Variants in NBEAL2 observed in about 807,000 individuals in gnomAD.
NBEAL2 encodes the protein neurobeachin like 2, also known as neurobeachin-like protein 2.
NBEAL2 carries 160 observed loss-of-function variants against 299.8 expected under a neutral mutation model. The ratio of observed to expected loss-of-function variants is 0.53; its 90% confidence interval spans 0.47 to 0.61. The LOEUF (loss-of-function observed/expected upper bound fraction) is 0.61, where lower values mean the gene tolerates loss of function less well. NBEAL2 is among the 20% of genes least tolerant of loss of function. The pLI, the probability that NBEAL2 is intolerant of heterozygous loss-of-function variation, is 0.00. For missense variants in NBEAL2, 3,112 were observed against 3,649.0 expected, an observed-to-expected ratio of 0.85 and a Z score of 3.79; for synonymous variants, 1,493 against 1,542.3, an observed-to-expected ratio of 0.97 and a Z score of 0.75.
At chr3:46,992,697 C>G in intron 10 of NBEAL2, 142 bp downstream of exon 10, 1 of 780,332 alleles carries the variant, frequency 1.3e-6, no homozygotes, top group Non-Finnish European at 2.1e-6. Context: ...CATGCTGTCT[C>G]GCCTGCCTTC....
Position 47,008,668 on chromosome 3 carries a change from C to G in NBEAL2, c.8027C>G (p.Thr2676Arg), listed in dbSNP as rs1441765437. 1 of 1,613,030 alleles carries G rather than the reference C, an allele frequency of 6.2e-7. No homozygotes were observed. The highest frequency in any genetic ancestry group is 1.3e-5 in the African/African-American group (1 of 74,946). ...GCCCTGCACATCCTCCAACTAAACACGTAAGCCCCCCATTTATGGGTTCAT... is the reference window on the plus strand; with the variant it reads ...GCCCTGCACATCCTCCAACTAAACAGGTAAGCCCCCCATTTATGGGTTCAT... The part of the protein sequence containing the change: ...QCALHILQLN[T>R]LLPAAPPLPM... The change falls in exon 52 of 54, where the codon ACA (threonine) becomes AGA (arginine). Residue 2676 changes from threonine to arginine, a missense_variant and splice_region_variant. By Grantham distance (71) the Thr-to-Arg change is moderately conservative. Coordinates refer to ENST00000450053, the MANE Select transcript of NBEAL2 (RefSeq NM_015175.3).
Position 47,007,690 on chromosome 3 carries a change from C to T in NBEAL2, c.7500C>T (p.Cys2500=). 6.2e-7 allele frequency: 1 copy of T among 1,608,872 alleles called. No homozygotes were observed. Among genetic ancestry groups the T allele is most frequent in the Non-Finnish European group, 8.5e-7 (1 of 1,176,804 alleles). Residue 2500 remains cysteine (C), a synonymous_variant, in exon 48 of 54, where the codon TGC becomes TGT. Coordinates refer to ENST00000450053, the MANE Select transcript of NBEAL2 (RefSeq NM_015175.3). ...GCAAGCTGTTGAGCCAGCTCAGCTGCCACCTTGGTATGAACAGCCTTGGAG... is the reference window on the plus strand; with the variant it reads ...GCAAGCTGTTGAGCCAGCTCAGCTGTCACCTTGGTATGAACAGCCTTGGAG... The part of the protein sequence containing the change: ...PRGKLLSQLS[C]HLDVVTCLAL...
Position 46,982,712 on chromosome 3 carries a change from T to G in NBEAL2, c.51+2800T>G, listed in dbSNP as rs1430143669. 6.6e-6 allele frequency among the ~76,000 whole-genome samples: 1 copy of G among 152,118 alleles called. No homozygotes were observed. The highest frequency in any genetic ancestry group is 6.5e-5 in the Admixed American group (1 of 15,276). The stretch of plus-strand genomic sequence containing the variant: ...GTCAGGAAGTCACCCCAGAGGAGGC[T>G]GAGTTTGGGCTTTGAAGGCTGAGAG... On this transcript the variant is annotated intron_variant, in intron 1 of 53. Transcript: ENST00000450053. The surrounding 1 kb of genome is among the most constrained non-coding windows in gnomAD (Gnocchi z 4.2).
At chr3:46,992,254 G>C (rs2036153214) in intron 9 of NBEAL2, among the ~76,000 whole-genome samples, 1 of 152,176 alleles carries the variant, frequency 6.6e-6, no homozygotes, top group Non-Finnish European at 1.5e-5. Flanking sequence ...ACAGGGGCTA[G>C]AGGAGGGCAC....
At position 47,003,397 on chromosome 3, in the gene NBEAL2, G is replaced by A. The variant is rs527293095; in HGVS notation, c.5720+88G>A. 7.2e-6 allele frequency: 11 copies of A among 1,522,186 alleles called. No individual in the cohort carries two copies. In the East Asian group the frequency reaches 2.5e-4, roughly 35 times the overall value. The allele number at this position is 1,522,186 out of a possible 1,614,324, so 94.3% of individuals were successfully genotyped here. A position where few individuals can be genotyped will look rare whatever the true frequency, so the allele number is the denominator to read the frequency against. ...CATGCCTCTGTGGGATCAACTCCCT[G>A]AGTGTGTCCTCTTCTGCTGCCCGAC... On this transcript the variant is annotated intron_variant, in intron 35 of 53. Coordinates refer to ENST00000450053, the MANE Select transcript of NBEAL2 (RefSeq NM_015175.3). This position sits in a 1 kb window ranked among gnomAD's most constrained non-coding sequence, Gnocchi z 7.0.
rs2036958725 is a variant in NBEAL2, at chr3:47,001,218, G to A, written c.4484+39G>A. 1 of 1,601,700 alleles carries A rather than the reference G, an allele frequency of 6.2e-7. No individual in the cohort carries two copies. The highest frequency in any genetic ancestry group is 8.5e-7 in the Non-Finnish European group (1 of 1,171,354). On this transcript the variant is annotated intron_variant, in intron 28 of 53. Coordinates refer to ENST00000450053, the MANE Select transcript of NBEAL2 (RefSeq NM_015175.3). The surrounding 1 kb of genome is among the most constrained non-coding windows in gnomAD (Gnocchi z 6.1). The stretch of plus-strand genomic sequence containing the variant: ...TCTGGAGGGGGAGGGGCTTCAGGAA[G>A]CCTCGGGGGAAGGAGAGAAGATAGT...
chr3:47,008,684 A>G lies in NBEAL2; in HGVS notation c.8027+16A>G. 1 of 1,612,842 alleles carries G rather than the reference A, an allele frequency of 6.2e-7. No individual in the cohort carries two copies. ...AACTAAACACGTAAGCCCCCCATTT[A>G]TGGGTTCATGGCCCCTGAAGGTGGT... is the stretch of plus-strand genomic sequence containing the variant. On this transcript the variant is annotated intron_variant, in intron 52 of 53. Coordinates refer to ENST00000450053, the MANE Select transcript of NBEAL2 (RefSeq NM_015175.3).
At chr3:47,007,735 C>T in intron 48 of NBEAL2, 38 bp downstream of exon 48, 1 of 1,608,778 alleles carries the variant, frequency 6.2e-7, no homozygotes, top group Non-Finnish European at 8.5e-7. Context: ...ATGAGGCACA[C>T]AGGTATGGGG....
Position 47,000,132 on chromosome 3 carries a change from T to A in NBEAL2, c.4033T>A (p.Phe1345Ile). ...SEAPCPDPDGFYHALSPFCTP... is the reference protein window; with the variant it reads ...SEAPCPDPDGIYHALSPFCTP... ...GGCCCCCTGCCCTGACCCTGATGGC[T>A]TTTACCATGCTCTCTCCCCATTCTG... is the stretch of plus-strand genomic sequence containing the variant. Residue 1345 changes from phenylalanine (F) to isoleucine (I), a missense_variant, in exon 27 of 54, where the codon TTT becomes ATT. Coordinates refer to ENST00000450053, the MANE Select transcript of NBEAL2 (RefSeq NM_015175.3). This position sits in a 1 kb window ranked among gnomAD's most constrained non-coding sequence, Gnocchi z 4.5. 6.2e-7 allele frequency: 1 copy of A among 1,613,716 alleles called. No individual in the cohort carries two copies. The highest frequency in any genetic ancestry group is 1.1e-5 in the South Asian group (1 of 91,086).
Position 47,006,390 on chromosome 3 carries a change from G to C in NBEAL2, c.7075G>C (p.Asp2359His). The C allele has an allele frequency of 6.3e-7, 1 of 1,596,242 alleles. No individual in the cohort carries two copies. The highest frequency in any genetic ancestry group is 8.5e-7 in the Non-Finnish European group (1 of 1,171,498). Reference protein sequence around the residue: ...EEAAHRLARLDTNSPSIFQHL... With the variant: ...EEAAHRLARLHTNSPSIFQHL... ...AGCAGCCCATCGCCTTGCACGCCTG[G>C]ACACTAACTCACCTAGCATCTTCCA... is the stretch of plus-strand genomic sequence containing the variant. The change falls in exon 45 of 54, where the codon GAC becomes CAC. Residue 2359 changes from aspartate to histidine, a missense_variant. Around this residue, in one of 3 missense-constraint regions of NBEAL2, gnomAD observed 521 missense variants for 729.6 expected, o/e 0.71. Transcript: ENST00000450053.
rs371473167 is a variant in NBEAL2, at chr3:47,006,376, G to C, written c.7061G>C (p.Arg2354Pro). ...TRLSAEEAAH[R>P]LARLDTNSPS... ...CTCTCAGCTGAGGAAGCAGCCCATC[G>C]CCTTGCACGCCTGGACACTAACTCA... Residue 2354 changes from arginine to proline, a missense_variant, in exon 45 of 54, where the codon CGC (arginine) becomes CCC (proline). Arg to Pro is a moderately radical substitution (Grantham distance 103). Transcript: ENST00000450053. 6.3e-7 allele frequency: 1 copy of C among 1,595,086 alleles called. No homozygotes were observed. Among genetic ancestry groups the C allele is most frequent in the Admixed American group, 1.8e-5 (1 of 57,098 alleles).
In NBEAL2 at chr3:47,002,510, G is replaced by A. The variant is rs766314198; in HGVS notation, c.5291G>A (p.Arg1764Gln). The change falls in exon 32 of 54, where the codon CGG (arginine) becomes CAG (glutamine). Residue 1764 changes from arginine (R) to glutamine (Q), a missense_variant. Arg to Gln is a conservative substitution (Grantham distance 43). Coordinates refer to ENST00000450053, the MANE Select transcript of NBEAL2 (RefSeq NM_015175.3). ...RRQWERAQSR[R>Q]AFQELVLEPA... Reference sequence around the variant, plus strand: ...CAGTGGGAGCGCGCCCAGAGTCGTCGGGCCTTCCAGGTGTGCCACCCGGGG... The same window carrying A: ...CAGTGGGAGCGCGCCCAGAGTCGTCAGGCCTTCCAGGTGTGCCACCCGGGG... The A allele has an allele frequency of 1.5e-5, 24 of 1,612,474 alleles. No homozygotes were observed. The highest frequency in any genetic ancestry group is 1.2e-4 in the Admixed American group (7 of 59,994).
At position 47,005,303 on chromosome 3, in the gene NBEAL2, T is replaced by A; in HGVS notation, c.6542T>A (p.Val2181Asp). ...GTGGAGCCCTTCACCTCCCTGCACG[T>A]CCAGCTGCAAAGTGGCCGGTGCGGC... is the stretch of plus-strand genomic sequence containing the variant. ...IRVEPFTSLH[V>D]QLQSGRFDCS... The change falls in exon 40 of 54, where the codon GTC (valine) becomes GAC (aspartate). Residue 2181 changes from valine (V) to aspartate (D), a missense_variant. Val to Asp is a radical substitution (Grantham distance 152). This residue lies in a region of NBEAL2 where 521 missense variants were observed against 729.6 expected (regional missense o/e 0.71). Transcript: ENST00000450053. 1 of 1,612,412 alleles carries A rather than the reference T, an allele frequency of 6.2e-7. No individual in the cohort carries two copies. The highest frequency in any genetic ancestry group is 8.5e-7 in the Non-Finnish European group (1 of 1,179,588).
In NBEAL2 at chr3:47,004,351, C is replaced by G; in HGVS notation, c.6156C>G (p.Ser2052Arg). Residue 2052 changes from serine (S) to arginine (R), a missense_variant, in exon 37 of 54, where the codon AGC becomes AGG. Ser to Arg is a moderately radical substitution (Grantham distance 110). This residue lies in a region of NBEAL2 where 521 missense variants were observed against 729.6 expected (regional missense o/e 0.71). Coordinates refer to ENST00000450053, the MANE Select transcript of NBEAL2 (RefSeq NM_015175.3). The surrounding 1 kb of genome is among the most constrained non-coding windows in gnomAD (Gnocchi z 5.0). ...CCCCCTCTCAAGGCTACCTAAGCAG[C>G]CGCTCCCCCCAGGAGATGCTGCGTG... ...LRPPSQGYLS[S>R]RSPQEMLRAS... The G allele has an allele frequency of 6.2e-7, 1 of 1,604,574 alleles. No individual in the cohort carries two copies. Among genetic ancestry groups the G allele is most frequent in the Non-Finnish European group, 8.5e-7 (1 of 1,174,302 alleles).
In NBEAL2 at chr3:46,979,689, C is replaced by T. The variant is rs893977563; in HGVS notation, c.-173C>T. On this transcript the variant is annotated 5_prime_UTR_variant, in exon 1 of 54. Transcript: ENST00000450053. ...GCAGTGAGGAGGAGGAGCGAGCAGA[C>T]TTGGGTGGCTCTGCGCCGCGGAGGC... 3.2e-5 allele frequency: 10 copies of T among 314,894 alleles called. No homozygotes were observed. The highest frequency in any genetic ancestry group is 5.0e-5 in the Admixed American group (1 of 19,900). 19.5% of individuals were successfully genotyped at this position (314,894 alleles called of 1,614,324 possible).
chr3:46,986,937 T>A (rs1017379561), intron 1 of NBEAL2, among the ~76,000 whole-genome samples: 3 of 151,774 alleles, frequency 2.0e-5, no homozygotes, highest in Non-Finnish European at 4.4e-5. Context: ...CCTTGCTGAT[T>A]GTTCGGGAGG....
In NBEAL2 at chr3:47,009,499, C is replaced by A. The variant is rs111271184; in HGVS notation, c.*179C>A. 0.02 allele frequency: 13,251 copies of A among 660,992 alleles called. 1,314 individuals carry two copies. In the African/African-American group the frequency reaches 0.22, roughly 11 times the overall value. 40.9% of individuals were successfully genotyped at this position (660,992 alleles called of 1,614,324 possible). On this transcript the variant is annotated 3_prime_UTR_variant, in exon 54 of 54. Coordinates refer to ENST00000450053, the MANE Select transcript of NBEAL2 (RefSeq NM_015175.3). ...CCCTCAGGGATTGGCGGGCGGAAGT[C>A]CCGCCCCTCGCCGGCTGAGGGGCCG...
chr3:46,984,696 A>G (rs1274400959), intron 1 of NBEAL2, among the ~76,000 whole-genome samples: 1 of 152,108 alleles, frequency 6.6e-6, no homozygotes, highest in Non-Finnish European at 1.5e-5. Context: ...TGGAGTGCTC[A>G]CTACCGCCCA....
In NBEAL2 at chr3:46,996,384, C is replaced by T. The variant is rs1393993240; in HGVS notation, c.2265C>T (p.Thr755=). 6.2e-7 allele frequency: 1 copy of T among 1,612,188 alleles called. No homozygotes were observed. The highest frequency in any genetic ancestry group is 8.5e-7 in the Non-Finnish European group (1 of 1,179,702). ...ATLAYTHPAL[T]RSQSVPASTG... ...TGGCCTACACTCACCCCGCCCTCAC[C>T]CGCTCCCAGTCAGTCCCAGCCTCCA... Residue 755 remains threonine, a synonymous_variant, in exon 16 of 54, where the codon ACC becomes ACT. Coordinates refer to ENST00000450053, the MANE Select transcript of NBEAL2 (RefSeq NM_015175.3).
Sources: gnomAD v4.1 joint callset for allele counts (sites outside exome capture counted in the v4.1 genomes callset) on GRCh38, gnomAD v4.1.1 for gene constraint, gnomAD v4.1.1 regional missense constraint, Gnocchi (gnomAD v3.1) non-coding constraint, MANE v1.5 for transcripts, NCBI Gene and HGNC (gene_info 2026-07-23, HGNC 2026-07-21) for gene names.